CSMD1: variants seen among roughly 807,000 people sequenced by gnomAD.
The protein encoded by CSMD1 is CUB and Sushi multiple domains 1, also known as CUB and sushi domain-containing protein 1.
In CSMD1, 213 loss-of-function variants were observed where a neutral mutation model predicts 417.5. The ratio of observed to expected loss-of-function variants is 0.51; its 90% confidence interval spans 0.46 to 0.57. CSMD1 has a LOEUF of 0.57. Ranked by LOEUF, CSMD1 falls within the 20% of genes least tolerant of loss-of-function variation. The probability of loss-of-function intolerance (pLI) is 0.00; values close to 1 mark genes in which losing one functional copy is unlikely to be tolerated. For missense variants in CSMD1, 6,923 were observed against 4,529.7 expected, an observed-to-expected ratio of 1.53 and a Z score of -15.17; for synonymous variants, 2,862 against 1,736.8, an observed-to-expected ratio of 1.65 and a Z score of -16.11.
At chr8:4,312,548 G>T (rs71502985) in intron 3 of CSMD1, among the ~76,000 whole-genome samples, 5,810 of 148,442 alleles carry the variant, frequency 0.039, 168 homozygotes, top group Non-Finnish European at 0.054. Flanking sequence ...AAATTGAAAG[G>T]GCTCACAGTC....
In CSMD1 at chr8:4,012,736, G is replaced by T. The variant is rs1796332519; in HGVS notation, c.611-14626C>A. Reference sequence around the variant, plus strand: ...TCTAAATAGCAATCCAGACTAACTAGCCCTAAAATGGTTCTTTTGCTCTTT... The same window carrying T: ...TCTAAATAGCAATCCAGACTAACTATCCCTAAAATGGTTCTTTTGCTCTTT... On this transcript the variant is annotated intron_variant, in intron 4 of 69. Transcript: ENST00000635120. Among the ~76,000 whole-genome samples, 5 of 152,206 alleles carry T rather than the reference G, an allele frequency of 3.3e-5. No homozygotes were observed. In the South Asian group the frequency reaches 8.3e-4, roughly 25 times the overall value.
chr8:4,310,144 A>T (rs371454888), intron 3 of CSMD1, among the ~76,000 whole-genome samples: 10 of 152,292 alleles, frequency 6.6e-5, no homozygotes, highest in African/African-American at 2.2e-4. Context: ...TAACTGCTTC[A>T]CGTTTCTAAC....
At chr8:4,647,570 C>T (rs578250211) in intron 1 of CSMD1, among the ~76,000 whole-genome samples, 138 of 152,294 alleles carry the variant, frequency 9.1e-4, no homozygotes, top group Non-Finnish European at 1.2e-3. Flanking sequence ...CCCCTCATCC[C>T]CCACCCCCCA....
chr8:4,799,804 A>C (rs558624541), intron 1 of CSMD1, among the ~76,000 whole-genome samples: 18 of 152,098 alleles, frequency 1.2e-4, no homozygotes, highest in Non-Finnish European at 7.4e-5. Context: ...AAAAGTGACA[A>C]TATGCAAAGA....
intron 49 of CSMD1, among the ~76,000 whole-genome samples, chr8:3,069,863 C>T (rs1813207091): frequency 6.6e-6 from 1 of 152,250 alleles, no homozygotes; most frequent in Admixed American, 6.5e-5. Flanking sequence ...CAACAGGCTT[C>T]TGCCTGGATA....
intron 10 of CSMD1, among the ~76,000 whole-genome samples, chr8:3,494,966 C>A (rs768359914): frequency 6.6e-6 from 1 of 152,162 alleles, no homozygotes; most frequent in Admixed American, 6.5e-5. Context: ...AGGCTCTAAA[C>A]AGGTGCTTTT....
At chr8:3,241,086 A>G (rs1799474500) in intron 26 of CSMD1, among the ~76,000 whole-genome samples, 1 of 150,724 alleles carries the variant, frequency 6.6e-6, no homozygotes, top group South Asian at 2.1e-4. Flanking sequence ...CAAGAGGAGG[A>G]CGCAACGGAG....
chr8:4,443,448 G>A (rs749820888), intron 2 of CSMD1, among the ~76,000 whole-genome samples: 3 of 152,178 alleles, frequency 2.0e-5, no homozygotes, highest in Non-Finnish European at 2.9e-5. Context: ...ACACTGAATT[G>A]TATGATGCAA....
chr8:4,661,435 G>T (rs78744529), intron 1 of CSMD1, among the ~76,000 whole-genome samples: 13,415 of 152,208 alleles, frequency 0.088, 1,038 homozygotes, highest in East Asian at 0.22. Flanking sequence ...TTTTTGAAGT[G>T]ACAAAAATAT....
At chr8:4,931,279 G>A (rs1038655201) in intron 1 of CSMD1, among the ~76,000 whole-genome samples, 3 of 151,944 alleles carry the variant, frequency 2.0e-5, no homozygotes, top group Middle Eastern at 3.4e-3. Flanking sequence ...CATTACTTTT[G>A]TTCTCTCCTT....
At chr8:4,021,686 T>C (rs926982562) in intron 4 of CSMD1, among the ~76,000 whole-genome samples, 1 of 152,216 alleles carries the variant, frequency 6.6e-6, no homozygotes, top group South Asian at 2.1e-4. Context: ...GCGAAACTTG[T>C]TCGGAGTGAC....
intron 5 of CSMD1, among the ~76,000 whole-genome samples, chr8:3,923,955 A>C (rs1809461105): frequency 6.6e-6 from 1 of 152,220 alleles, no homozygotes; most frequent in Admixed American, 6.5e-5. Flanking sequence ...TTACAGTATT[A>C]GAATATTCTG....
intron 1 of CSMD1, among the ~76,000 whole-genome samples, chr8:4,959,294 A>T (rs900516893): frequency 2.0e-5 from 3 of 152,182 alleles, no homozygotes; most frequent in African/African-American, 7.2e-5. Flanking sequence ...TGTAACAGGT[A>T]TGTTTATTGT....
At chr8:4,537,669 CT>C (rs1797168327) in intron 2 of CSMD1, among the ~76,000 whole-genome samples, 1 of 152,112 alleles carries the variant, frequency 6.6e-6, no homozygotes, top group Non-Finnish European at 1.5e-5. Context: ...TACTTTCATT[CT>C]TCCTCGAAGA....
At chr8:3,318,851 C>T (rs572465204) in intron 23 of CSMD1, among the ~76,000 whole-genome samples, 74 of 152,270 alleles carry the variant, frequency 4.9e-4, no homozygotes, top group Non-Finnish European at 3.5e-4. Flanking sequence ...AAGGAGCCCC[C>T]TGTGCTTTCC....
chr8:4,183,379 C>A (rs770792968), intron 3 of CSMD1, among the ~76,000 whole-genome samples: 1 of 152,124 alleles, frequency 6.6e-6, no homozygotes, highest in African/African-American at 2.4e-5. Flanking sequence ...CTTCTTCTTT[C>A]AATAAGGAAG....
At chr8:4,503,950 G>C (rs539652569) in intron 2 of CSMD1, among the ~76,000 whole-genome samples, 96 of 141,186 alleles carry the variant, frequency 6.8e-4, no homozygotes, top group Non-Finnish European at 9.1e-5. Context: ...ACATAATCCA[G>C]CAACACTACT....
At chr8:3,590,251 A>G (rs186780128) in intron 8 of CSMD1, among the ~76,000 whole-genome samples, 5 of 152,290 alleles carry the variant, frequency 3.3e-5, no homozygotes, top group African/African-American at 9.6e-5. Context: ...AAGTATCACA[A>G]TACAAATTTT....
chr8:4,148,914 C>G (rs973067625), intron 3 of CSMD1, among the ~76,000 whole-genome samples: 2 of 152,112 alleles, frequency 1.3e-5, no homozygotes, highest in African/African-American at 2.4e-5. Flanking sequence ...TCACCATCAT[C>G]TGCACTTTTC....
Sources: allele counts gnomAD v4.1 joint callset (sites outside exome capture counted in the v4.1 genomes callset), GRCh38; gene constraint gnomAD v4.1.1; transcripts MANE v1.5; gene names NCBI Gene and HGNC (gene_info 2026-07-23, HGNC 2026-07-21).